RBFOX1: variants seen among roughly 807,000 people sequenced by gnomAD.
RBFOX1 encodes RNA binding fox-1 homolog 1, also known as RNA binding protein fox-1 homolog 1.
RBFOX1 carries 8 observed loss-of-function variants against 57.7 expected under a neutral mutation model. The ratio of observed to expected loss-of-function variants is 0.14; its 90% CI spans 0.08 to 0.25. The LOEUF is 0.25. Ranked by LOEUF, RBFOX1 falls within the 10% of genes least tolerant of loss-of-function variation. The probability of loss-of-function intolerance (pLI) is 1.00; values close to 1 mark genes in which losing one functional copy is unlikely to be tolerated. For missense variants in RBFOX1, 611 were observed against 548.5 expected, an observed-to-expected ratio of 1.11 and a Z score of -1.14; for synonymous variants, 326 against 222.4, an observed-to-expected ratio of 1.47 and a Z score of -4.15.
intron 3 of RBFOX1, among the ~76,000 whole-genome samples, chr16:6,936,776 A>G (rs2077437114): frequency 1.3e-5 from 2 of 152,020 alleles, no homozygotes. Context: ...AAAGCAGATA[A>G]AATTGTTGCC....
At chr16:7,411,300 G>T (rs2098422534) in intron 4 of RBFOX1, among the ~76,000 whole-genome samples, 1 of 152,034 alleles carries the variant, frequency 6.6e-6, no homozygotes, top group Non-Finnish European at 1.5e-5. Flanking sequence ...TGTGTGTTAA[G>T]CAAGAGCCAT....
intron 2 of RBFOX1, among the ~76,000 whole-genome samples, chr16:6,460,907 T>C (rs527644932): frequency 6.6e-6 from 1 of 150,604 alleles, no homozygotes; most frequent in South Asian, 2.1e-4. Context: ...ATGTACACCA[T>C]GGAATACTAT....
At chr16:5,430,055 T>C (rs1349410827) in intron 1 of RBFOX1, among the ~76,000 whole-genome samples, 1 of 152,206 alleles carries the variant, frequency 6.6e-6, no homozygotes, top group Non-Finnish European at 1.5e-5. Context: ...GCTTCAAGCA[T>C]ACATTCACTC....
chr16:7,425,512 T>G (rs1216074552), intron 4 of RBFOX1, among the ~76,000 whole-genome samples: 1 of 152,220 alleles, frequency 6.6e-6, no homozygotes, highest in Non-Finnish European at 1.5e-5. Context: ...TGAATCATGT[T>G]TCGACTTTAA....
intron 4 of RBFOX1, among the ~76,000 whole-genome samples, chr16:7,115,178 C>A (rs1216665946): frequency 6.6e-6 from 1 of 151,978 alleles, no homozygotes; most frequent in East Asian, 1.9e-4. Context: ...TATAAAGAAA[C>A]CTGGTATTTT....
At chr16:6,931,680 G>C (rs948971914) in intron 3 of RBFOX1, among the ~76,000 whole-genome samples, 1 of 152,204 alleles carries the variant, frequency 6.6e-6, no homozygotes, top group Non-Finnish European at 1.5e-5. Context: ...AAGGCTCACA[G>C]ACTCAAAGTC....
intron 3 of RBFOX1, among the ~76,000 whole-genome samples, chr16:6,737,911 T>G (rs1024559453): frequency 3.3e-5 from 5 of 152,112 alleles, no homozygotes; most frequent in Non-Finnish European, 5.9e-5. Flanking sequence ...TAAGTTACAT[T>G]TAAAAATTTG....
At chr16:7,232,325 G>A (rs993669970) in intron 4 of RBFOX1, among the ~76,000 whole-genome samples, 10 of 152,190 alleles carry the variant, frequency 6.6e-5, no homozygotes, top group African/African-American at 2.4e-4. Context: ...AAACTTAAGT[G>A]AGATATATAA....
intron 3 of RBFOX1, among the ~76,000 whole-genome samples, chr16:5,811,421 G>A (rs1047126705): frequency 4.9e-4 from 74 of 150,418 alleles, no homozygotes; most frequent in Non-Finnish European, 1.6e-4. Context: ...GGGATTACAG[G>A]TGTGAGCCAA....
intron 4 of RBFOX1, among the ~76,000 whole-genome samples, chr16:7,454,247 A>C (rs893256405): frequency 1.3e-4 from 20 of 152,002 alleles, no homozygotes; most frequent in Admixed American, 3.3e-4. Flanking sequence ...CAACCCCCCC[A>C]AAAAAAGTCA....
chr16:7,120,593 A>G (rs1342715428), intron 4 of RBFOX1, among the ~76,000 whole-genome samples: 1 of 151,812 alleles, frequency 6.6e-6, no homozygotes, highest in Non-Finnish European at 1.5e-5. Context: ...AAACAGGATA[A>G]GCTAAATGGT....
At chr16:6,103,295 C>T (rs2096337046) in intron 1 of RBFOX1, among the ~76,000 whole-genome samples, 1 of 152,108 alleles carries the variant, frequency 6.6e-6, no homozygotes. Flanking sequence ...CTGCAGTACT[C>T]ATATGACAAA....
chr16:6,193,356 TTA>T (rs61247347), intron 1 of RBFOX1, among the ~76,000 whole-genome samples: 13,512 of 63,804 alleles, frequency 0.21, 1,909 homozygotes, highest in African/African-American at 0.35. Flanking sequence ...TATATATACA[TTA>T]TATATATATA....
At chr16:6,861,532 G>A (rs1487597178) in intron 3 of RBFOX1, among the ~76,000 whole-genome samples, 1 of 133,440 alleles carries the variant, frequency 7.5e-6, no homozygotes, top group Non-Finnish European at 1.5e-5. Context: ...AACTCTCAAT[G>A]TTCCTTTAAC....
intron 4 of RBFOX1, among the ~76,000 whole-genome samples, chr16:7,166,735 G>C (rs1378396141): frequency 6.6e-6 from 1 of 152,050 alleles, no homozygotes; most frequent in East Asian, 1.9e-4. Flanking sequence ...TGTCAAGGCA[G>C]ACTTCAGCAG....
intron 3 of RBFOX1, among the ~76,000 whole-genome samples, chr16:6,832,690 G>T (rs910565546): frequency 6.6e-6 from 1 of 152,120 alleles, no homozygotes; most frequent in African/African-American, 2.4e-5. Context: ...CTCAAAATAA[G>T]TTTCTCCACT....
intron 3 of RBFOX1, among the ~76,000 whole-genome samples, chr16:6,792,816 G>T (rs573967514): frequency 6.6e-6 from 1 of 152,098 alleles, no homozygotes; most frequent in Non-Finnish European, 1.5e-5. Context: ...GGATCATGAC[G>T]TCAGGAGTTC....
intron 3 of RBFOX1, among the ~76,000 whole-genome samples, chr16:6,885,661 A>G (rs1042051938): frequency 6.6e-6 from 1 of 151,834 alleles, no homozygotes; most frequent in African/African-American, 2.4e-5. Flanking sequence ...CCTCCCTAGT[A>G]GCTGGGATTA....
chr16:6,049,964 T>TTC (rs2095535943), intron 1 of RBFOX1, among the ~76,000 whole-genome samples: 1 of 151,558 alleles, frequency 6.6e-6, no homozygotes, highest in Non-Finnish European at 1.5e-5. Context: ...ACGTTTTTTT[T>TTC]TTTTTTTGAG....
Sources: allele counts gnomAD v4.1 joint callset (sites outside exome capture counted in the v4.1 genomes callset), GRCh38; gene constraint gnomAD v4.1.1; transcripts MANE v1.5; gene names NCBI Gene and HGNC (gene_info 2026-07-23, HGNC 2026-07-21).